The following AP1S3 variants were observed in gnomAD, a reference collection of about 807,000 sequenced individuals.
AP1S3 encodes AP-1 complex subunit sigma-3.
In AP1S3, 10 loss-of-function variants were observed where a neutral mutation model predicts 20.9. That is an observed-to-expected ratio of 0.48 (90% CI 0.29 to 0.81). AP1S3 has a LOEUF of 0.81. Ranked by LOEUF, AP1S3 falls within the 30% of genes least tolerant of loss-of-function variation. AP1S3 has a pLI of 0.08. For missense variants in AP1S3, 154 were observed against 183.8 expected, an observed-to-expected ratio of 0.84 and a Z score of 0.94; for synonymous variants, 41 against 61.5, an observed-to-expected ratio of 0.67 and a Z score of 1.56.
At chr2:223,820,220 G>A (rs1232932549) in intron 1 of AP1S3, among the ~76,000 whole-genome samples, 1 of 152,016 alleles carries the variant, frequency 6.6e-6, no homozygotes, top group Non-Finnish European at 1.5e-5. Flanking sequence ...GTAAGATAAA[G>A]GTCTTTTTCC....
chr2:223,807,555 G>C (rs1469164242), intron 1 of AP1S3, among the ~76,000 whole-genome samples: 2 of 152,156 alleles, frequency 1.3e-5, no homozygotes, highest in Non-Finnish European at 2.9e-5. Flanking sequence ...AGGTGGCCTG[G>C]TAGGAGGTGA....
At chr2:223,830,006 G>A (rs1207668186) in intron 1 of AP1S3, among the ~76,000 whole-genome samples, 1 of 152,150 alleles carries the variant, frequency 6.6e-6, no homozygotes, top group Non-Finnish European at 1.5e-5. Flanking sequence ...ACTGTCCCCT[G>A]CTTTAGTAAA....
chr2:223,802,113 C>A (rs7561275), intron 1 of AP1S3, among the ~76,000 whole-genome samples: 51,788 of 151,662 alleles, frequency 0.34, 9,143 homozygotes, highest in Middle Eastern at 0.41. Flanking sequence ...TACTGAGGGT[C>A]TGGAACGTTA....
intron 1 of AP1S3, among the ~76,000 whole-genome samples, chr2:223,813,509 A>G (rs1691780122): frequency 6.6e-6 from 1 of 152,194 alleles, no homozygotes; most frequent in African/African-American, 2.4e-5. Context: ...TGAGGATCAG[A>G]GAGATTAAGT....
intron 1 of AP1S3, among the ~76,000 whole-genome samples, chr2:223,808,208 G>T (rs951554128): frequency 1.1e-4 from 17 of 152,264 alleles, no homozygotes; most frequent in Middle Eastern, 3.4e-3. Context: ...AGAGCAGAAG[G>T]AGGTGATATG....
chr2:223,813,322 G>A (rs533302127), intron 1 of AP1S3, among the ~76,000 whole-genome samples: 11 of 152,172 alleles, frequency 7.2e-5, no homozygotes, highest in South Asian at 2.1e-4. Context: ...ATTTACGCCT[G>A]GAGATGGTGT....
Position 223,757,877 on chromosome 2 carries a change from C to A in AP1S3, c.*838G>T. 1.0e-6 allele frequency: 1 copy of A among 984,480 alleles called. No homozygotes were observed. The highest frequency in any genetic ancestry group is 1.2e-6 in the Non-Finnish European group (1 of 829,240). 61.0% of individuals were successfully genotyped at this position (984,480 alleles called of 1,614,324 possible). A position where few individuals can be genotyped will look rare whatever the true frequency, so the allele number is the denominator to read the frequency against. On this transcript the variant is annotated 3_prime_UTR_variant, in exon 5 of 5. Coordinates refer to ENST00000396654, the MANE Select transcript of AP1S3 (RefSeq NM_001039569.2). The stretch of plus-strand genomic sequence containing the variant: ...TTCCAGCATCTAAGAGTGCTTGGAA[C>A]GTGAATTTTAAAAAATAGTAGCAAT...
At chr2:223,768,609 C>T (rs1309451774) in intron 3 of AP1S3, among the ~76,000 whole-genome samples, 2 of 152,146 alleles carry the variant, frequency 1.3e-5, no homozygotes, top group African/African-American at 4.8e-5. Flanking sequence ...AATCCCAGCA[C>T]TTTGGGAGGC....
At position 223,791,794 on chromosome 2, in the gene AP1S3, G is replaced by T. The variant is rs557612452; in HGVS notation, c.4-13925C>A. 1.2e-4 allele frequency among the ~76,000 whole-genome samples: 18 copies of T among 152,220 alleles called. No individual in the cohort carries two copies. In the South Asian group the frequency reaches 3.5e-3, roughly 30 times the overall value. On this transcript the variant is annotated intron_variant, in intron 1 of 4. Transcript: ENST00000396654. ...ATATCTAGAAAATCTTATCATCTCA[G>T]CCCAAAAGCATATTAAGCTAATAAG...
At chr2:223,820,380 T>A (rs906693665) in intron 1 of AP1S3, among the ~76,000 whole-genome samples, 1 of 152,202 alleles carries the variant, frequency 6.6e-6, no homozygotes, top group African/African-American at 2.4e-5. Context: ...ATTGCCAGAA[T>A]ATTTTTTTTC....
chr2:223,789,821 G>GAGCGAGAC lies in AP1S3; in HGVS notation c.4-11953_4-11952insGTCTCGCT, dbSNP rs1691169673. On this transcript the variant is annotated intron_variant, in intron 1 of 4. Transcript: ENST00000396654. Reference sequence around the variant, plus strand: ...CCACTCCACTCCAGCCTCGGTGATAGTACAAGACTCTATCAAAAAAAAAAA... The same window carrying GAGCGAGAC: ...CCACTCCACTCCAGCCTCGGTGATAGAGCGAGACTACAAGACTCTATCAAAAAAAAAAA... Among the ~76,000 whole-genome samples the GAGCGAGAC allele has an allele frequency of 1.3e-4, 17 of 130,774 alleles. 1 individual carries two copies. The highest frequency in any genetic ancestry group is 4.2e-4 in the African/African-American group (13 of 30,594). 85.8% of individuals were successfully genotyped at this position (130,774 alleles called of 152,430 possible).
chr2:223,818,294 G>A (rs887784378), intron 1 of AP1S3, among the ~76,000 whole-genome samples: 1 of 152,050 alleles, frequency 6.6e-6, no homozygotes, highest in Non-Finnish European at 1.5e-5. Context: ...GTATGCACCT[G>A]TAGTCCCAGC....
chr2:223,812,112 T>C (rs1691744677), intron 1 of AP1S3, among the ~76,000 whole-genome samples: 1 of 152,258 alleles, frequency 6.6e-6, no homozygotes, highest in Non-Finnish European at 1.5e-5. Context: ...TTGTTTTACA[T>C]ACTTCTCAGA....
Position 223,757,072 on chromosome 2 carries a change from C to T in AP1S3, c.*1643G>A, listed in dbSNP as rs1690240452. The T allele has an allele frequency of 2.3e-6, 2 of 865,342 alleles. No individual in the cohort carries two copies. Among genetic ancestry groups the T allele is most frequent in the Non-Finnish European group, 2.8e-6 (2 of 720,590 alleles). 53.6% of individuals were successfully genotyped at this position (865,342 alleles called of 1,614,324 possible). On this transcript the variant is annotated 3_prime_UTR_variant, in exon 5 of 5. Coordinates refer to ENST00000396654, the MANE Select transcript of AP1S3 (RefSeq NM_001039569.2). ...TGGTATGACCTTGGCTCACTGCAAC[C>T]TCTGCCTCCTGGGTTCAAGCCATTC... is the stretch of plus-strand genomic sequence containing the variant.
chr2:223,794,754 G>A (rs1418035531), intron 1 of AP1S3, among the ~76,000 whole-genome samples: 1 of 152,068 alleles, frequency 6.6e-6, no homozygotes, highest in Non-Finnish European at 1.5e-5. Context: ...TCCTCTAAGC[G>A]CATCTGAAAG....
chr2:223,804,423 GT>G (rs1691533234), intron 1 of AP1S3, among the ~76,000 whole-genome samples: 1 of 152,184 alleles, frequency 6.6e-6, no homozygotes, highest in African/African-American at 2.4e-5. Flanking sequence ...GATCAGCCCA[GT>G]ATGGTGGCTC....
chr2:223,797,451 C>T (rs552791059), intron 1 of AP1S3, among the ~76,000 whole-genome samples: 3 of 152,222 alleles, frequency 2.0e-5, no homozygotes, highest in Admixed American at 1.3e-4. Context: ...GTTGTCTTAA[C>T]GTTGTCAATT....
intron 1 of AP1S3, among the ~76,000 whole-genome samples, chr2:223,790,390 C>T (rs898373996): frequency 1.3e-5 from 2 of 152,046 alleles, no homozygotes; most frequent in African/African-American, 4.8e-5. Context: ...TGTCACCATG[C>T]CTGGCTAATT....
intron 1 of AP1S3, among the ~76,000 whole-genome samples, chr2:223,780,351 AGAGAGAGTGTGT>A (rs1559280862): frequency 8.0e-5 from 5 of 62,200 alleles, no homozygotes; most frequent in Non-Finnish European, 1.1e-4. Flanking sequence ...AGAGAGAGAG[AGAGAGAGTGTGT>A]GTGTGTGTGT....
Sources: allele counts gnomAD v4.1 joint callset (sites outside exome capture counted in the v4.1 genomes callset), GRCh38; gene constraint gnomAD v4.1.1; transcripts MANE v1.5; gene names NCBI Gene and HGNC (gene_info 2026-07-23, HGNC 2026-07-21).